ARHGEF10: variants seen among roughly 807,000 people sequenced by gnomAD.
ARHGEF10 encodes the protein Rho guanine nucleotide exchange factor (GEF) 10.
In ARHGEF10, 140 loss-of-function variants were observed where a neutral mutation model predicts 147.4. The observed-to-expected ratio is 0.95, with a 90% CI of 0.83 to 1.09. ARHGEF10 has a LOEUF of 1.09. Ranked by LOEUF, ARHGEF10 falls within the 50% of genes least tolerant of loss-of-function variation. The pLI is 0.00. For missense variants in ARHGEF10, 2,222 were observed against 1,752.7 expected, an observed-to-expected ratio of 1.27 and a Z score of -4.78; for synonymous variants, 902 against 695.8, an observed-to-expected ratio of 1.30 and a Z score of -4.67.
At chr8:1,953,513 G>T (rs1285139189) in intron 28 of ARHGEF10, among the ~76,000 whole-genome samples, 2 of 152,258 alleles carry the variant, frequency 1.3e-5, no homozygotes, top group Non-Finnish European at 2.9e-5. Context: ...GGGATTGGAG[G>T]CCTTAAAACA....
At chr8:1,923,324 C>G (rs541482295) in intron 19 of ARHGEF10, 144 bp from the exon 20 acceptor site, 7 of 1,278,148 alleles carry the variant, frequency 5.5e-6, no homozygotes, top group Admixed American at 4.0e-5. Context: ...ACAGTGTGAT[C>G]TGACTCCCAA....
At position 1,906,309 on chromosome 8, in the gene ARHGEF10, C is replaced by T. The variant is rs539828930; in HGVS notation, c.1967+593C>T. On this transcript the variant is annotated intron_variant, in intron 17 of 28. Transcript: ENST00000349830. Reference sequence around the variant, plus strand: ...TGCTGTAGAAAATAATGCAAGCGAACGTGGTGCCAATTCGTCATGTCTTGC... The same window carrying T: ...TGCTGTAGAAAATAATGCAAGCGAATGTGGTGCCAATTCGTCATGTCTTGC... Among the ~76,000 whole-genome samples the T allele has an allele frequency of 1.3e-3, 191 of 152,254 alleles. 1 individual carries two copies. Among genetic ancestry groups the T allele is most frequent in the African/African-American group, 4.1e-3 (172 of 41,538 alleles).
intron 7 of ARHGEF10, among the ~76,000 whole-genome samples, chr8:1,874,475 G>A (rs1321402420): frequency 6.6e-6 from 1 of 152,232 alleles, no homozygotes; most frequent in African/African-American, 2.4e-5. Context: ...TAACATGTGT[G>A]AAAACCATGT....
intron 26 of ARHGEF10, among the ~76,000 whole-genome samples, chr8:1,934,158 G>C (rs1813379260): frequency 6.6e-6 from 1 of 152,084 alleles, no homozygotes; most frequent in Admixed American, 6.5e-5. Flanking sequence ...AACAAAGTGA[G>C]ATCCTGTCCC....
intron 26 of ARHGEF10, among the ~76,000 whole-genome samples, chr8:1,939,608 C>T (rs1238260238): frequency 6.6e-6 from 1 of 152,236 alleles, no homozygotes; most frequent in Non-Finnish European, 1.5e-5. Context: ...TCGGCAGCTG[C>T]CTAGGGATGG....
At chr8:1,864,465 T>C (rs1166019885) in intron 5 of ARHGEF10, 29 bp downstream of exon 5, 1 of 1,604,038 alleles carries the variant, frequency 6.2e-7, no homozygotes, top group African/African-American at 1.3e-5. Flanking sequence ...CCACACCTGC[T>C]GAATTCCCGC....
intron 19 of ARHGEF10, 76 bp downstream of exon 19, chr8:1,923,155 A>G (rs979941284): frequency 2.3e-5 from 26 of 1,119,214 alleles, no homozygotes; most frequent in Admixed American, 1.6e-4. Flanking sequence ...TATATCTCCA[A>G]GTTCTACCAG....
intron 26 of ARHGEF10, among the ~76,000 whole-genome samples, chr8:1,935,071 C>T (rs1813465748): frequency 6.6e-6 from 1 of 152,132 alleles, no homozygotes; most frequent in East Asian, 1.9e-4. Flanking sequence ...ATAACTTAGC[C>T]TCCTTAGCAA....
At chr8:1,888,112 CACTT>C (rs1323402037) in intron 11 of ARHGEF10, among the ~76,000 whole-genome samples, 2 of 108,448 alleles carry the variant, frequency 1.8e-5, no homozygotes, top group African/African-American at 6.4e-5. Flanking sequence ...TTTGAGGAGA[CACTT>C]AGTGGGGTGA....
At chr8:1,927,278 G>T (rs553946075) in intron 23 of ARHGEF10, 1 of 152,614 alleles carries the variant, frequency 6.6e-6, no homozygotes, top group Admixed American at 6.5e-5. Context: ...CACCTGGCCT[G>T]GTCATAGCCC....
In ARHGEF10 at chr8:1,898,393, C is replaced by T. The variant is rs745467580; in HGVS notation, c.1558-40C>T. 2.9e-5 allele frequency: 46 copies of T among 1,580,870 alleles called. 1 individual carries two copies. The highest frequency in any genetic ancestry group is 1.7e-4 in the Middle Eastern group (1 of 6,014). ...GGCCCCAGGGGCAGGGAGGGCATGG[C>T]AGCCCTGCAGGGAGGTGACCCCGGT... On this transcript the variant is annotated intron_variant, in intron 14 of 28. Transcript: ENST00000349830.
At position 1,923,864 on chromosome 8, in the gene ARHGEF10, G is replaced by A. The variant is rs1812481380; in HGVS notation, c.2478G>A (p.Lys826=). 2 of 1,614,018 alleles carry A rather than the reference G, an allele frequency of 1.2e-6. No homozygotes were observed. The highest frequency in any genetic ancestry group is 3.3e-5 in the Admixed American group (2 of 59,994). Reference sequence around the variant, plus strand: ...GGGTCAACAGCTTACAGATGGCCAAGCTCGCCCTAGGTAAGGCCTGGCTGG... The same window carrying A: ...GGGTCAACAGCTTACAGATGGCCAAACTCGCCCTAGGTAAGGCCTGGCTGG... The part of the protein sequence containing the change: ...ESWVNSLQMA[K]LALEEENHMG... Residue 826 remains lysine, a synonymous_variant, in exon 21 of 29, where the codon AAG becomes AAA. Coordinates refer to ENST00000349830, the MANE Select transcript of ARHGEF10 (RefSeq NM_014629.4).
rs778491896 is a variant in ARHGEF10 at position 1,957,936 on chromosome 8, A to G, written c.*673A>G. The G allele has an allele frequency of 6.6e-6, 1 of 152,322 alleles. No homozygotes were observed. Among genetic ancestry groups the G allele is most frequent in the Non-Finnish European group, 1.5e-5 (1 of 68,098 alleles). 9.4% of individuals were successfully genotyped at this position (152,322 alleles called of 1,614,324 possible). On this transcript the variant is annotated 3_prime_UTR_variant, in exon 29 of 29. Coordinates refer to ENST00000349830, the MANE Select transcript of ARHGEF10 (RefSeq NM_014629.4). ...CAGTTAATGTTTCAGTCAATGTATTATCTGTAGCATTTCACAAATAATGTT... is the reference window on the plus strand; with the variant it reads ...CAGTTAATGTTTCAGTCAATGTATTGTCTGTAGCATTTCACAAATAATGTT...
intron 28 of ARHGEF10, among the ~76,000 whole-genome samples, chr8:1,954,117 G>A (rs529586874): frequency 3.3e-5 from 5 of 151,274 alleles, no homozygotes; most frequent in South Asian, 2.1e-4. Context: ...TTTTTGAGAC[G>A]TAGTCTCACT....
intron 4 of ARHGEF10, 127 bp from the exon 5 acceptor site, chr8:1,864,246 A>C (rs1438941745): frequency 2.2e-6 from 2 of 913,200 alleles, no homozygotes; most frequent in Non-Finnish European, 3.6e-6. Context: ...TTTATTAATC[A>C]CCCTTATGCT....
At position 1,896,459 on chromosome 8, in the gene ARHGEF10, T is replaced by G; in HGVS notation, c.1557+10T>G. 1.3e-6 allele frequency: 2 copies of G among 1,587,906 alleles called. No individual in the cohort carries two copies. The highest frequency in any genetic ancestry group is 1.7e-6 in the Non-Finnish European group (2 of 1,158,004). On this transcript the variant is annotated intron_variant, in intron 14 of 28. Transcript: ENST00000349830. ...TCTTGAATTTTTAAAGGTAAGCGCT[T>G]TTTTTTTTCATTTGGGTTTTAACAC...
At chr8:1,844,849 T>C (rs547460997) in intron 2 of ARHGEF10, among the ~76,000 whole-genome samples, 32 of 152,228 alleles carry the variant, frequency 2.1e-4, no homozygotes, top group South Asian at 1.2e-3. Flanking sequence ...AGTGAATCAC[T>C]TGAGCCCAGG....
At chr8:1,858,585 A>G (rs1043505454) in intron 3 of ARHGEF10, among the ~76,000 whole-genome samples, 2 of 152,224 alleles carry the variant, frequency 1.3e-5, no homozygotes, top group Non-Finnish European at 2.9e-5. Context: ...AAATATTCAG[A>G]ACATGTGGGA....
At chr8:1,915,508 G>A (rs968677593) in intron 18 of ARHGEF10, among the ~76,000 whole-genome samples, 4 of 152,240 alleles carry the variant, frequency 2.6e-5, no homozygotes, top group East Asian at 1.9e-4. Context: ...GGGAGGAAAC[G>A]GGGGCAGCAT....
Sources: gnomAD v4.1 joint callset for allele counts (sites outside exome capture counted in the v4.1 genomes callset) on GRCh38, gnomAD v4.1.1 for gene constraint, MANE v1.5 for transcripts, NCBI Gene and HGNC (gene_info 2026-07-23, HGNC 2026-07-21) for gene names.